The following ARHGEF7 variants were observed in gnomAD, a reference collection of about 807,000 sequenced individuals.
ARHGEF7 encodes PAK-interacting exchange factor beta.
In ARHGEF7, 33 loss-of-function variants were observed where a neutral mutation model predicts 109.8. That is an observed-to-expected ratio of 0.30 (90% CI 0.23 to 0.40). The LOEUF (loss-of-function observed/expected upper bound fraction) is 0.40, where lower values mean the gene tolerates loss of function less well. ARHGEF7 is among the 10% of genes least tolerant of loss of function. The pLI is 1.00. For missense variants in ARHGEF7, 938 were observed against 1,098.5 expected (o/e 0.85, Z 2.07); for synonymous variants, 458 against 424.6 (o/e 1.08, Z -0.97).
chr13:111,140,985 C>A (rs1221007429), intron 1 of ARHGEF7, among the ~76,000 whole-genome samples: 1 of 152,180 alleles, frequency 6.6e-6, no homozygotes, highest in Non-Finnish European at 1.5e-5. Context: ...CTACCACACC[C>A]AGCCTGGACC....
intron 8 of ARHGEF7, among the ~76,000 whole-genome samples, chr13:111,261,204 A>T (rs1394230077): frequency 6.6e-6 from 1 of 152,036 alleles, no homozygotes; most frequent in African/African-American, 2.4e-5. Context: ...TGAATGGATT[A>T]AAAAAAACCA....
At chr13:111,268,899 G>GT (rs1331196616) in intron 9 of ARHGEF7, among the ~76,000 whole-genome samples, 3 of 152,144 alleles carry the variant, frequency 2.0e-5, no homozygotes, top group Non-Finnish European at 4.4e-5. Flanking sequence ...GATAGTTACT[G>GT]TTTCCTGGGT....
At chr13:111,152,610 A>C (rs1174707469) in intron 1 of ARHGEF7, among the ~76,000 whole-genome samples, 1 of 152,254 alleles carries the variant, frequency 6.6e-6, no homozygotes, top group Non-Finnish European at 1.5e-5. Flanking sequence ...ATGAAACCAC[A>C]GTATTCCTGA....
intron 16 of ARHGEF7, among the ~76,000 whole-genome samples, chr13:111,284,817 T>A (rs907185305): frequency 6.6e-6 from 1 of 151,812 alleles, no homozygotes; most frequent in Non-Finnish European, 1.5e-5. Flanking sequence ...TCTGCCTGGC[T>A]CTGGCTCAGG....
intron 1 of ARHGEF7, among the ~76,000 whole-genome samples, chr13:111,120,068 A>G (rs1338741464): frequency 1.3e-5 from 2 of 152,210 alleles, no homozygotes; most frequent in Non-Finnish European, 2.9e-5. Context: ...GCTTCTAACT[A>G]AACTACCCTG....
At chr13:111,265,147 AGAAG>A (rs2091502748) in intron 8 of ARHGEF7, among the ~76,000 whole-genome samples, 1 of 147,100 alleles carries the variant, frequency 6.8e-6, no homozygotes, top group Non-Finnish European at 1.5e-5. Context: ...AAAAAAAAAA[AGAAG>A]ACCCATTGTG....
intron 2 of ARHGEF7, among the ~76,000 whole-genome samples, chr13:111,198,742 G>C (rs1243433109): frequency 6.6e-6 from 1 of 152,210 alleles, no homozygotes; most frequent in Non-Finnish European, 1.5e-5. Flanking sequence ...AGCTTCCACA[G>C]TGTGGAAGGG....
intron 1 of ARHGEF7, among the ~76,000 whole-genome samples, chr13:111,149,252 A>C (rs761965922): frequency 6.6e-6 from 1 of 152,100 alleles, no homozygotes; most frequent in African/African-American, 2.4e-5. Context: ...CTCTGAAAAA[A>C]AAAAAGAAAA....
At position 111,221,213 on chromosome 13, in the gene ARHGEF7, ATGTC is replaced by A. The variant is rs1357095058; in HGVS notation, c.670+3335_670+3338del. On this transcript the variant is annotated intron_variant, in intron 5 of 21. Coordinates refer to ENST00000646102, the MANE Select transcript of ARHGEF7 (RefSeq NM_001354046.2). ...TCTATATATATCTATATAGATATATATGTCTATATATATCTATATAGATATATAT... is the reference window on the plus strand; with the variant it reads ...TCTATATATATCTATATAGATATATATATATATATCTATATAGATATATAT... 7.0e-4 allele frequency among the ~76,000 whole-genome samples: 44 copies of A among 63,274 alleles called. 1 individual carries two copies. Among genetic ancestry groups the A allele is most frequent in the African/African-American group, 1.2e-3 (17 of 13,882 alleles). The allele number at this position is 63,274 out of a possible 152,430, so 41.5% of individuals were successfully genotyped here.
At chr13:111,170,692 G>C (rs984220589) in intron 2 of ARHGEF7, among the ~76,000 whole-genome samples, 1 of 152,164 alleles carries the variant, frequency 6.6e-6, no homozygotes, top group African/African-American at 2.4e-5. Flanking sequence ...GGAGATGATG[G>C]TGGCTACCCC....
In ARHGEF7 at chr13:111,139,879, AG is replaced by A. The variant is rs147034744; in HGVS notation, c.166-14024del. Among the ~76,000 whole-genome samples, 770 of 152,352 alleles carry A rather than the reference AG, an allele frequency of 5.1e-3. 3 individuals are homozygous for A. The highest frequency in any genetic ancestry group is 0.016 in the African/African-American group (659 of 41,588). ...GGCCGCAGGCAGAGCCAGTGGCAAC[AG>A]GATGCAGCCATCAATCTCAACAGGG... On this transcript the variant is annotated intron_variant, in intron 1 of 21. Coordinates refer to ENST00000646102, the MANE Select transcript of ARHGEF7 (RefSeq NM_001354046.2).
At chr13:111,287,093 TATC>T (rs1422414213) in intron 17 of ARHGEF7, among the ~76,000 whole-genome samples, 5 of 152,192 alleles carry the variant, frequency 3.3e-5, no homozygotes, top group African/African-American at 1.2e-4. Flanking sequence ...ACCGCCACCT[TATC>T]ATCAATCAGC....
Position 111,280,622 on chromosome 13 carries a change from AGGTCACGTCTGT to A in ARHGEF7, c.1673_1684del (p.Val558_Val561del), listed in dbSNP as rs1567063910. 1.2e-6 allele frequency: 2 copies of A among 1,612,392 alleles called. No homozygotes were observed. Among genetic ancestry groups the A allele is most frequent in the Admixed American group, 3.4e-5 (2 of 59,552 alleles). ...GTGGAGCACCTACAGAAGCAAACGA[AGGTCACGTCTGT>A]GGGAAACCCCACCATAAAGCCTCAT... On this transcript the variant is annotated inframe_deletion, in exon 15 of 22. Transcript: ENST00000646102.
chr13:111,274,360 A>G (rs973285288), intron 10 of ARHGEF7, among the ~76,000 whole-genome samples: 11 of 152,108 alleles, frequency 7.2e-5, no homozygotes, highest in Non-Finnish European at 1.6e-4. Flanking sequence ...GGTTGAAGTT[A>G]CTCTCTTGGC....
chr13:111,295,271 C>T, intron 19 of ARHGEF7: 1 of 885,874 alleles, frequency 1.1e-6, no homozygotes, highest in African/African-American at 1.8e-5. Context: ...GCTCTTCTAC[C>T]TGAACGGAAC....
At chr13:111,221,290 GAT>G (rs1246782578) in intron 5 of ARHGEF7, among the ~76,000 whole-genome samples, 10 of 49,262 alleles carry the variant, frequency 2.0e-4, no homozygotes, top group Admixed American at 4.5e-4. Flanking sequence ...TATCTATATA[GAT>G]ATATATGTCT....
chr13:111,209,828 C>T (rs2082284440), intron 3 of ARHGEF7, 44 bp from the exon 4 acceptor site: 11 of 1,601,624 alleles, frequency 6.9e-6, no homozygotes, highest in Non-Finnish European at 8.5e-6. Context: ...TGCGTGGTAT[C>T]AGGCGCTCTC....
intron 21 of ARHGEF7, among the ~76,000 whole-genome samples, chr13:111,302,344 G>A (rs1057298561): frequency 1.3e-5 from 2 of 152,228 alleles, no homozygotes; most frequent in African/African-American, 4.8e-5. Flanking sequence ...GAAGGTTGGG[G>A]TGTTCTTTTG....
chr13:111,234,035 T>TAA (rs1156818946), intron 6 of ARHGEF7, among the ~76,000 whole-genome samples: 2 of 152,238 alleles, frequency 1.3e-5, no homozygotes, highest in Non-Finnish European at 2.9e-5. Context: ...GTAAACCCTC[T>TAA]AAACATGTGT....
Sources: allele counts gnomAD v4.1 joint callset (sites outside exome capture counted in the v4.1 genomes callset), GRCh38; gene constraint gnomAD v4.1.1; transcripts MANE v1.5; gene names NCBI Gene and HGNC (gene_info 2026-07-23, HGNC 2026-07-21).